MAPK10: variants seen among roughly 807,000 people sequenced by gnomAD.
The protein encoded by MAPK10 is mitogen-activated protein kinase 10.
A neutral mutation model predicts 59.3 loss-of-function variants in MAPK10; 25 were observed. The observed-to-expected ratio is 0.42, with a 90% CI of 0.31 to 0.59. The LOEUF (loss-of-function observed/expected upper bound fraction) is 0.59. Among genes scored for constraint, MAPK10 ranks in the 20% least tolerant of loss-of-function variants. The pLI, the probability that MAPK10 is intolerant of heterozygous loss-of-function variation, is 0.15. For missense variants in MAPK10, 351 were observed against 568.9 expected, an observed-to-expected ratio of 0.62 and a Z score of 3.90; for synonymous variants, 190 against 200.5, an observed-to-expected ratio of 0.95 and a Z score of 0.44.
chr4:86,250,729 G>C (rs567805288), intron 2 of MAPK10, among the ~76,000 whole-genome samples: 3 of 152,256 alleles, frequency 2.0e-5, no homozygotes, highest in African/African-American at 4.8e-5. Flanking sequence ...TAGTCATGTT[G>C]TAAAGAAGTC....
chr4:86,212,995 C>T (rs1001875216), intron 2 of MAPK10, among the ~76,000 whole-genome samples: 11 of 152,116 alleles, frequency 7.2e-5, no homozygotes, highest in Non-Finnish European at 1.3e-4. Context: ...ATATAATACA[C>T]TATTTTCTCT....
intron 2 of MAPK10, among the ~76,000 whole-genome samples, chr4:86,307,381 T>C (rs2095588351): frequency 6.6e-6 from 1 of 152,160 alleles, no homozygotes; most frequent in African/African-American, 2.4e-5. Flanking sequence ...TACAAGGAAC[T>C]CATACATGTA....
chr4:86,414,110 C>T (rs1426935843), intron 1 of MAPK10, among the ~76,000 whole-genome samples: 1 of 152,084 alleles, frequency 6.6e-6, no homozygotes, highest in Non-Finnish European at 1.5e-5. Flanking sequence ...GGTTCAGGTC[C>T]CCTAAAAACA....
chr4:86,359,288 C>CTG (rs1554248575), intron 1 of MAPK10, among the ~76,000 whole-genome samples: 64 of 94,630 alleles, frequency 6.8e-4, no homozygotes, highest in African/African-American at 1.2e-3. Context: ...CTCTCTCTCT[C>CTG]TGTGTGTGTG....
At chr4:86,556,158 A>G (rs1401720872) in intron 1 of MAPK10, among the ~76,000 whole-genome samples, 4 of 152,220 alleles carry the variant, frequency 2.6e-5, no homozygotes, top group Non-Finnish European at 5.9e-5. Context: ...AAGGATGGGA[A>G]CAATTCATGC....
At chr4:86,146,308 G>C (rs2064992594) in intron 4 of MAPK10, among the ~76,000 whole-genome samples, 3 of 152,302 alleles carry the variant, frequency 2.0e-5, no homozygotes, top group Admixed American at 6.5e-5. Flanking sequence ...GTGGGAAATG[G>C]ACAATGTAAG....
At chr4:86,237,943 G>T (rs947893285) in intron 2 of MAPK10, among the ~76,000 whole-genome samples, 2 of 152,140 alleles carry the variant, frequency 1.3e-5, no homozygotes, top group Admixed American at 1.3e-4. Flanking sequence ...GAATGGTATT[G>T]CCTATGTTCT....
At chr4:86,496,028 A>C (rs1451663692) in intron 1 of MAPK10, among the ~76,000 whole-genome samples, 1 of 152,258 alleles carries the variant, frequency 6.6e-6, no homozygotes, top group African/African-American at 2.4e-5. Context: ...GAAATTTAAA[A>C]GTGAACAAAG....
rs1245097072 is a variant in MAPK10 at position 86,419,470 on chromosome 4, C to T, written c.-122+33560G>A. On this transcript the variant is annotated intron_variant, in intron 1 of 13. Transcript: ENST00000361569. The stretch of plus-strand genomic sequence containing the variant: ...TATGCAGCATTATCTTACCTAATTA[C>T]ACTGTAGGACTCAAATCAAATGGAC... Among the ~76,000 whole-genome samples, 4 of 152,128 alleles carry T rather than the reference C, an allele frequency of 2.6e-5. No individual in the cohort carries two copies. The East Asian group carries it at 7.7e-4, about 29-fold the overall frequency.
chr4:86,348,137 A>G (rs982804009), intron 2 of MAPK10, among the ~76,000 whole-genome samples: 6 of 152,114 alleles, frequency 3.9e-5, no homozygotes, highest in African/African-American at 1.4e-4. Flanking sequence ...TGGAATTCTT[A>G]TCCATATACT....
At chr4:86,548,267 C>G (rs974784205) in intron 1 of MAPK10, among the ~76,000 whole-genome samples, 2 of 152,116 alleles carry the variant, frequency 1.3e-5, no homozygotes, top group African/African-American at 4.8e-5. Flanking sequence ...CGCAGTTTCA[C>G]TCCTGAGCCA....
chr4:86,046,586 C>T (rs1489483536), intron 11 of MAPK10, among the ~76,000 whole-genome samples: 1 of 152,008 alleles, frequency 6.6e-6, no homozygotes, highest in Non-Finnish European at 1.5e-5. Flanking sequence ...TGATGAAGAA[C>T]AATTATTTGC....
At position 86,014,407 on chromosome 4, in the gene MAPK10, C is replaced by T. The variant is rs1326874117; in HGVS notation, c.*2821G>A. 6.6e-6 allele frequency: 1 copy of T among 151,346 alleles called. No individual in the cohort carries two copies. The highest frequency in any genetic ancestry group is 1.9e-4 in the East Asian group (1 of 5,162). 9.4% of individuals were successfully genotyped at this position (151,346 alleles called of 1,614,324 possible). ...TGTGAATTTGATAATATCATCACCT[C>T]CTAGACATATTATAGGAAAGCAGAC... is the stretch of plus-strand genomic sequence containing the variant. On this transcript the variant is annotated 3_prime_UTR_variant, in exon 14 of 14. Transcript: ENST00000641462.
intron 2 of MAPK10, among the ~76,000 whole-genome samples, chr4:86,244,974 G>C (rs2092987499): frequency 6.6e-6 from 1 of 152,030 alleles, no homozygotes; most frequent in Non-Finnish European, 1.5e-5. Context: ...TAACATTTGG[G>C]AATTTTATCC....
intron 2 of MAPK10, among the ~76,000 whole-genome samples, chr4:86,216,041 C>T (rs1318430647): frequency 6.6e-6 from 1 of 151,934 alleles, no homozygotes; most frequent in Middle Eastern, 3.2e-3. Context: ...AGTACAGCCA[C>T]CCTGGAAAAC....
At chr4:86,170,387 C>CA (rs1343904430) in intron 3 of MAPK10, among the ~76,000 whole-genome samples, 6 of 151,420 alleles carry the variant, frequency 4.0e-5, no homozygotes, top group Non-Finnish European at 7.4e-5. Flanking sequence ...AAATGGAAAA[C>CA]AAAAAAAGGC....
chr4:86,548,280 G>C (rs553918891), intron 1 of MAPK10, among the ~76,000 whole-genome samples: 8 of 151,932 alleles, frequency 5.3e-5, no homozygotes, highest in African/African-American at 1.9e-4. Context: ...CTGAGCCAGC[G>C]AGACCGCGAA....
intron 2 of MAPK10, among the ~76,000 whole-genome samples, chr4:86,306,837 G>A (rs539003639): frequency 2.0e-5 from 3 of 152,260 alleles, no homozygotes; most frequent in Admixed American, 6.5e-5. Flanking sequence ...TGAAGGCCAC[G>A]AGTACTAATG....
In MAPK10 at chr4:86,421,663, G is replaced by A. The variant is rs551704270; in HGVS notation, c.-122+31367C>T. ...GCACAAAGGCAAGGAAATAGAGTGC[G>A]GTGCAGTAAGGAAGAACCTGGGCGC... On this transcript the variant is annotated intron_variant, in intron 1 of 13. Transcript: ENST00000361569. Among the ~76,000 whole-genome samples, 12 of 152,242 alleles carry A rather than the reference G, an allele frequency of 7.9e-5. No individual in the cohort carries two copies. The South Asian group carries it at 1.9e-3, about 24-fold the overall frequency.
Sources: allele counts gnomAD v4.1 joint callset (sites outside exome capture counted in the v4.1 genomes callset), GRCh38; gene constraint gnomAD v4.1.1; transcripts MANE v1.5; gene names NCBI Gene and HGNC (gene_info 2026-07-23, HGNC 2026-07-21).